Variants in HOOK3 observed in about 807,000 individuals in gnomAD.
The protein encoded by HOOK3 is protein Hook homolog 3.
HOOK3 carries 24 observed loss-of-function variants against 116.3 expected under a neutral mutation model. The observed-to-expected ratio is 0.21, with a 90% CI of 0.15 to 0.29. HOOK3 has a LOEUF of 0.29. Ranked by LOEUF, HOOK3 falls within the 10% of genes least tolerant of loss-of-function variation. The probability of loss-of-function intolerance (pLI) is 1.00; values close to 1 mark genes in which losing one functional copy is unlikely to be tolerated. For synonymous variants in HOOK3, 275 were observed against 283.0 expected, an observed-to-expected ratio of 0.97 and a Z score of 0.28; for missense variants, 632 against 830.2, an observed-to-expected ratio of 0.76 and a Z score of 2.93.
In HOOK3 at chr8:43,013,394, C is replaced by T; in HGVS notation, c.2010C>T (p.Tyr670=). The T allele has an allele frequency of 6.3e-7, 1 of 1,577,300 alleles. No homozygotes were observed. Among genetic ancestry groups the T allele is most frequent in the Non-Finnish European group, 8.6e-7 (1 of 1,165,640 alleles). The change falls in exon 21 of 22, where the codon TAC becomes TAT. Residue 670 remains tyrosine, a synonymous_variant. Transcript: ENST00000307602. ...AGAAATATATTGTTAGTGCCTGGTA[C>T]AATATGGTAAGAAAATAGTACTTTG... ...MEEKYIVSAW[Y]NMGMTLHKKA...
intron 2 of HOOK3, among the ~76,000 whole-genome samples, chr8:42,921,172 TTTTA>T (rs1807650654): frequency 1.3e-5 from 2 of 152,122 alleles, no homozygotes; most frequent in African/African-American, 4.8e-5. Flanking sequence ...TTTTTTTTTT[TTTTA>T]AAGTAAGGGA....
At chr8:42,930,275 A>G in intron 4 of HOOK3, 103 bp downstream of exon 4, 1 of 1,032,132 alleles carries the variant, frequency 9.7e-7, no homozygotes, top group Non-Finnish European at 1.3e-6. Context: ...ATTAATAATC[A>G]GTTTGTCGTT....
At chr8:42,931,243 C>T (rs1807866364) in intron 4 of HOOK3, among the ~76,000 whole-genome samples, 1 of 152,026 alleles carries the variant, frequency 6.6e-6, no homozygotes, top group Non-Finnish European at 1.5e-5. Context: ...TTTCTGTTAC[C>T]TCCTTACAGA....
At chr8:42,946,763 C>CTTTTTTTTTTT (rs34564365) in intron 5 of HOOK3, among the ~76,000 whole-genome samples, 11 of 73,958 alleles carry the variant, frequency 1.5e-4, no homozygotes, top group East Asian at 3.8e-4. Context: ...CTCTTTCTTT[C>CTTTTTTTTTTT]TTTTTTTTTT....
chr8:42,900,170 A>G (rs1273075501), intron 1 of HOOK3, among the ~76,000 whole-genome samples: 1 of 152,204 alleles, frequency 6.6e-6, no homozygotes, highest in Non-Finnish European at 1.5e-5. Context: ...CATCTTACCA[A>G]GGGGAAACAT....
intron 7 of HOOK3, 62 bp from the exon 8 acceptor site, chr8:42,959,169 C>A: frequency 9.3e-7 from 1 of 1,077,972 alleles, no homozygotes; most frequent in Non-Finnish European, 1.4e-6. Flanking sequence ...CTGTGTTGAA[C>A]ATACGAATTA....
At chr8:42,938,527 G>C (rs1808021638) in intron 4 of HOOK3, among the ~76,000 whole-genome samples, 1 of 152,042 alleles carries the variant, frequency 6.6e-6, no homozygotes, top group Non-Finnish European at 1.5e-5. Context: ...GCAGTGGCTG[G>C]TACCAGTTTT....
chr8:42,986,105 A>G (rs777883563), intron 14 of HOOK3, among the ~76,000 whole-genome samples: 2 of 152,230 alleles, frequency 1.3e-5, no homozygotes, highest in African/African-American at 2.4e-5. Context: ...CAAGTTCTGT[A>G]TGGATACTGT....
intron 15 of HOOK3, among the ~76,000 whole-genome samples, chr8:42,990,970 T>G (rs1307921083): frequency 6.6e-6 from 1 of 152,234 alleles, no homozygotes; most frequent in Non-Finnish European, 1.5e-5. Context: ...TGATTGGATC[T>G]TTGCATATGG....
At chr8:43,018,315 C>T in intron 21 of HOOK3, 43 bp from the exon 22 acceptor site, 1 of 1,526,508 alleles carries the variant, frequency 6.6e-7, no homozygotes, top group Non-Finnish European at 8.8e-7. Flanking sequence ...AAGTATGTTC[C>T]ACTATTTTTT....
chr8:43,015,449 G>A (rs1809694704), intron 21 of HOOK3, among the ~76,000 whole-genome samples: 1 of 151,404 alleles, frequency 6.6e-6, no homozygotes, highest in Admixed American at 6.6e-5. Flanking sequence ...CCTGAACCCA[G>A]GAGGTGGAGG....
At chr8:42,992,728 A>G (rs530018973) in intron 15 of HOOK3, among the ~76,000 whole-genome samples, 274 of 151,804 alleles carry the variant, frequency 1.8e-3, no homozygotes, top group African/African-American at 6.4e-3. Context: ...AAAAAAAAAA[A>G]AAAGAAATGT....
At chr8:42,948,635 T>TCC (rs1363001328) in intron 5 of HOOK3, among the ~76,000 whole-genome samples, 3 of 152,228 alleles carry the variant, frequency 2.0e-5, no homozygotes, top group Non-Finnish European at 2.9e-5. Context: ...GTTCACAGTC[T>TCC]TACTTTTAGA....
chr8:42,961,624 A>G (rs1163239684), intron 8 of HOOK3, among the ~76,000 whole-genome samples: 1 of 152,260 alleles, frequency 6.6e-6, no homozygotes, highest in East Asian at 1.9e-4. Context: ...TGATAAGTCA[A>G]GAAATAATTG....
At position 43,018,392 on chromosome 8, in the gene HOOK3, G is replaced by T. The variant is rs1393175660; in HGVS notation, c.2051G>T (p.Arg684Ile). The change falls in exon 22 of 22, where the codon AGA (arginine) becomes ATA (isoleucine). Residue 684 changes from arginine (R) to isoleucine (I), a missense_variant. Arg to Ile is a moderately conservative substitution (Grantham distance 97, BLOSUM62 -3). Around this residue, in one of 3 missense-constraint regions of HOOK3, gnomAD observed 483 missense variants for 648.1 expected, o/e 0.75. Coordinates refer to ENST00000307602, the MANE Select transcript of HOOK3 (RefSeq NM_032410.4). ...CTGCATAAAAAGGCAGCTGAAGATA[G>T]ACTGGCAAGCACAGGCTCAGGGCAG... is the stretch of plus-strand genomic sequence containing the variant. The part of the protein sequence containing the change: ...MTLHKKAAED[R>I]LASTGSGQSF... 1 of 1,611,074 alleles carries T rather than the reference G, an allele frequency of 6.2e-7. No individual in the cohort carries two copies. Among genetic ancestry groups the T allele is most frequent in the African/African-American group, 1.3e-5 (1 of 74,816 alleles).
Position 42,990,282 on chromosome 8 carries a change from C to T in HOOK3, c.1532+3487C>T, listed in dbSNP as rs886984019. Among the ~76,000 whole-genome samples, 15 of 142,824 alleles carry T rather than the reference C, an allele frequency of 1.1e-4. No homozygotes were observed. In the Admixed American group the frequency reaches 1.1e-3, roughly 10 times the overall value. 93.7% of individuals were successfully genotyped at this position (142,824 alleles called of 152,430 possible). On this transcript the variant is annotated intron_variant, in intron 15 of 21. Coordinates refer to ENST00000307602, the MANE Select transcript of HOOK3 (RefSeq NM_032410.4). ...AAGTGCTGGGATTATAGGCATGAAC[C>T]ACCATATCCAGCCTCTTTTGAGAAA...
At chr8:42,983,317 G>A (rs1281352411) in intron 14 of HOOK3, among the ~76,000 whole-genome samples, 1 of 145,848 alleles carries the variant, frequency 6.9e-6, no homozygotes, top group African/African-American at 2.5e-5. Context: ...CTGGGGGACA[G>A]AGTGAGACTC....
chr8:43,029,254 A>G lies in HOOK3; in HGVS notation c.*10756A>G, dbSNP rs1299747775. On this transcript the variant is annotated 3_prime_UTR_variant, in exon 22 of 22. Coordinates refer to ENST00000307602, the MANE Select transcript of HOOK3 (RefSeq NM_032410.4). ...AACCTCCGCCTCCCAGGTTCAAGCTATTCTCCTGCCTCAGCCTCCCAAGTA... is the reference window on the plus strand; with the variant it reads ...AACCTCCGCCTCCCAGGTTCAAGCTGTTCTCCTGCCTCAGCCTCCCAAGTA... The G allele has an allele frequency of 6.0e-6, 1 of 165,708 alleles. No homozygotes were observed. Among genetic ancestry groups the G allele is most frequent in the African/African-American group, 2.4e-5 (1 of 41,800 alleles). The allele number at this position is 165,708 out of a possible 1,614,324, so 10.3% of individuals were successfully genotyped here.
At chr8:42,902,452 T>G (rs1364670769) in intron 1 of HOOK3, among the ~76,000 whole-genome samples, 2 of 152,004 alleles carry the variant, frequency 1.3e-5, no homozygotes, top group East Asian at 3.9e-4. Context: ...TTGTATTTTT[T>G]GTAGAGACAG....
Sources: gnomAD v4.1 joint callset for allele counts (sites outside exome capture counted in the v4.1 genomes callset) on GRCh38, gnomAD v4.1.1 for gene constraint, gnomAD v4.1.1 regional missense constraint, MANE v1.5 for transcripts, NCBI Gene and HGNC (gene_info 2026-07-23, HGNC 2026-07-21) for gene names.